Variants in PNPLA8 observed in about 807,000 individuals in gnomAD.
PNPLA8 encodes the protein calcium-independent phospholipase A2-gamma.
Under a neutral mutation model 76.9 loss-of-function variants are expected in PNPLA8, and 39 were observed. The observed-to-expected ratio is 0.51, with a 90% CI of 0.39 to 0.66. The LOEUF is 0.66. Ranked by LOEUF, PNPLA8 falls within the 30% of genes least tolerant of loss-of-function variation. The pLI is 0.00. For missense variants in PNPLA8, 887 were observed against 918.0 expected, an observed-to-expected ratio of 0.97 and a Z score of 0.44; for synonymous variants, 301 against 307.9, an observed-to-expected ratio of 0.98 and a Z score of 0.24.
At chr7:108,510,853 G>C in intron 4 of PNPLA8, 2 of 1,597,578 alleles carry the variant, frequency 1.3e-6, no homozygotes, top group Non-Finnish European at 1.7e-6. Context: ...ATAACTTCCT[G>C]TGGCCCTTCA....
At chr7:108,525,339 A>G (rs1268525661) in intron 1 of PNPLA8, among the ~76,000 whole-genome samples, 2 of 152,232 alleles carry the variant, frequency 1.3e-5, no homozygotes, top group Non-Finnish European at 2.9e-5. Context: ...TTTGGAATTG[A>G]AAACAGTATT....
In PNPLA8 at chr7:108,491,391, T is replaced by G; in HGVS notation, c.1683+19A>C. On this transcript the variant is annotated intron_variant, in intron 8 of 10. Coordinates refer to ENST00000257694, the MANE Select transcript of PNPLA8 (RefSeq NM_001256007.3). ...TTCAGATGGAACTAGGTGTTATATTTAAGAGACTCTAAGCTTACCTTAGGA... is the reference window on the plus strand; with the variant it reads ...TTCAGATGGAACTAGGTGTTATATTGAAGAGACTCTAAGCTTACCTTAGGA... The G allele has an allele frequency of 2.0e-6, 3 of 1,521,954 alleles. No homozygotes were observed. Among genetic ancestry groups the G allele is most frequent in the Non-Finnish European group, 2.7e-6 (3 of 1,095,794 alleles). 94.3% of individuals were successfully genotyped at this position (1,521,954 alleles called of 1,614,324 possible). A position where few individuals can be genotyped will look rare whatever the true frequency, so the allele number is the denominator to read the frequency against.
rs764592699 is a variant in PNPLA8 at position 108,472,621 on chromosome 7, T to C, written c.2129A>G (p.Asn710Ser). Residue 710 changes from asparagine (N) to serine (S), a missense_variant, in exon 11 of 11, where the codon AAT becomes AGT. Physicochemically the swap from Asn to Ser is conservative, Grantham distance 46. Transcript: ENST00000257694. ...AGGTATGTTTTCACACATTACAGGA[T>C]TGAATCTAAAATAGGTGTCAGGAGG... Reference protein sequence around the residue: ...LLPPDTYFRFNPVMCENIPLD... With the variant: ...LLPPDTYFRFSPVMCENIPLD... 1.4e-5 allele frequency: 22 copies of C among 1,602,634 alleles called. No homozygotes were observed. Among genetic ancestry groups the C allele is most frequent in the East Asian group, 8.9e-5 (4 of 44,794 alleles).
chr7:108,497,384 C>A, intron 6 of PNPLA8, 99 bp downstream of exon 6: 1 of 777,624 alleles, frequency 1.3e-6, no homozygotes, highest in Non-Finnish European at 2.0e-6. Context: ...GGAGAGAGGG[C>A]TGAAGAAGGC....
At chr7:108,516,109 T>C (rs6958399) in intron 2 of PNPLA8, among the ~76,000 whole-genome samples, 3,081 of 152,332 alleles carry the variant, frequency 0.02, 43 homozygotes, top group Non-Finnish European at 0.031. Context: ...AAGATTTCAC[T>C]ACCTAAGTAA....
chr7:108,485,339 C>T (rs1435146505), intron 9 of PNPLA8, among the ~76,000 whole-genome samples: 1 of 152,042 alleles, frequency 6.6e-6, no homozygotes, highest in Non-Finnish European at 1.5e-5. Flanking sequence ...TTGTAATGAA[C>T]CTTATAAATG....
intron 4 of PNPLA8, among the ~76,000 whole-genome samples, chr7:108,509,464 A>G (rs1237982734): frequency 1.3e-4 from 20 of 149,798 alleles, no homozygotes; most frequent in East Asian, 3.9e-4. Context: ...ATGCAAATCA[A>G]AACCACAATG....
chr7:108,484,485 C>G (rs902894605), intron 9 of PNPLA8, among the ~76,000 whole-genome samples: 5 of 152,112 alleles, frequency 3.3e-5, no homozygotes, highest in Admixed American at 3.3e-4. Flanking sequence ...CTCAACCTCC[C>G]AAAGTGCTGG....
intron 9 of PNPLA8, among the ~76,000 whole-genome samples, chr7:108,487,181 C>G (rs1230647904): frequency 6.6e-6 from 1 of 152,100 alleles, no homozygotes; most frequent in Non-Finnish European, 1.5e-5. Context: ...GGACAACATC[C>G]TAACTCTGTA....
chr7:108,477,055 G>GTACAA (rs1224490959), intron 10 of PNPLA8, among the ~76,000 whole-genome samples: 2 of 152,200 alleles, frequency 1.3e-5, no homozygotes, highest in Non-Finnish European at 1.5e-5. Flanking sequence ...GAGATCTGAC[G>GTACAA]TACAGCATGG....
intron 4 of PNPLA8, among the ~76,000 whole-genome samples, chr7:108,505,747 G>T (rs1862373554): frequency 6.6e-6 from 1 of 151,974 alleles, no homozygotes; most frequent in African/African-American, 2.4e-5. Flanking sequence ...TTTATAAATT[G>T]GACAAAATTA....
rs1475724979 is a variant in PNPLA8 at position 108,480,563 on chromosome 7, C to G, written c.1879-1184G>C. Reference sequence around the variant, plus strand: ...CGAATGATTTTTGATGTCACTGGTGCTTGGCATCTCCCTGGAATCAGCACT... The same window carrying G: ...CGAATGATTTTTGATGTCACTGGTGGTTGGCATCTCCCTGGAATCAGCACT... On this transcript the variant is annotated intron_variant, in intron 9 of 10. Coordinates refer to ENST00000257694, the MANE Select transcript of PNPLA8 (RefSeq NM_001256007.3). The G allele has an allele frequency of 2.0e-5, 4 of 197,342 alleles. No individual in the cohort carries two copies. In the East Asian group the frequency reaches 5.4e-4, roughly 27 times the overall value. 12.2% of individuals were successfully genotyped at this position (197,342 alleles called of 1,614,324 possible). A position where few individuals can be genotyped will look rare whatever the true frequency, so the allele number is the denominator to read the frequency against.
Position 108,492,849 on chromosome 7 carries a change from T to C in PNPLA8, c.1626-1382A>G, listed in dbSNP as rs549547602. ...CATGTCATTGTATACAGTCTCTTCC[T>C]ATACAGACTCTTGGTTGGCATGGCT... is the stretch of plus-strand genomic sequence containing the variant. On this transcript the variant is annotated intron_variant, in intron 7 of 10. Transcript: ENST00000257694. Among the ~76,000 whole-genome samples, 10 of 152,372 alleles carry C rather than the reference T, an allele frequency of 6.6e-5. No homozygotes were observed. The East Asian group carries it at 1.9e-3, about 29-fold the overall frequency.
intron 10 of PNPLA8, 65 bp from the exon 11 acceptor site, chr7:108,472,740 T>G (rs1859712779): frequency 8.9e-6 from 10 of 1,123,356 alleles, no homozygotes; most frequent in South Asian, 7.8e-5. Context: ...AGCAATGAAC[T>G]GTTAATTTGT....
At chr7:108,513,416 G>C (rs1031725781) in intron 4 of PNPLA8, among the ~76,000 whole-genome samples, 2 of 152,102 alleles carry the variant, frequency 1.3e-5, no homozygotes, top group Admixed American at 1.3e-4. Context: ...TTGTTAAAAA[G>C]TAGAATAAAT....
chr7:108,495,534 G>A (rs976310001), intron 7 of PNPLA8, among the ~76,000 whole-genome samples: 1 of 152,156 alleles, frequency 6.6e-6, no homozygotes, highest in Non-Finnish European at 1.5e-5. Flanking sequence ...TTTGTTCTTA[G>A]TGGGATTATA....
chr7:108,472,985 A>C (rs1156709197), intron 10 of PNPLA8, among the ~76,000 whole-genome samples: 2 of 152,088 alleles, frequency 1.3e-5, no homozygotes, highest in East Asian at 3.8e-4. Flanking sequence ...TTTGGGATCA[A>C]CTTCATTGAC....
At chr7:108,490,014 G>T (rs950853472) in intron 8 of PNPLA8, among the ~76,000 whole-genome samples, 2 of 152,154 alleles carry the variant, frequency 1.3e-5, no homozygotes, top group Non-Finnish European at 2.9e-5. Flanking sequence ...GTCAATGATG[G>T]ACCGCATATA....
intron 8 of PNPLA8, among the ~76,000 whole-genome samples, chr7:108,489,886 C>A (rs772416129): frequency 1.3e-5 from 2 of 152,080 alleles, no homozygotes; most frequent in Non-Finnish European, 2.9e-5. Context: ...GTTTCAAACA[C>A]ACAAATAAAT....
Sources: gnomAD v4.1 joint callset for allele counts (sites outside exome capture counted in the v4.1 genomes callset) on GRCh38, gnomAD v4.1.1 for gene constraint, MANE v1.5 for transcripts, NCBI Gene and HGNC (gene_info 2026-07-23, HGNC 2026-07-21) for gene names.